Variants in NFKBIZ observed in about 807,000 individuals in gnomAD.
NFKBIZ encodes NF-kappa-B inhibitor zeta.
A neutral mutation model predicts 76.8 loss-of-function variants in NFKBIZ; 19 were observed. That is an observed-to-expected ratio of 0.25 (90% CI 0.17 to 0.36). The LOEUF is 0.36. Ranked by LOEUF, NFKBIZ falls within the 10% of genes least tolerant of loss-of-function variation. The pLI is 1.00. For synonymous variants in NFKBIZ, 368 were observed against 354.8 expected, an observed-to-expected ratio of 1.04 and a Z score of -0.42; for missense variants, 829 against 910.9, an observed-to-expected ratio of 0.91 and a Z score of 1.16.
intron 2 of NFKBIZ, among the ~76,000 whole-genome samples, chr3:101,831,765 T>G (rs1302635199): frequency 1.3e-5 from 2 of 152,146 alleles, no homozygotes; most frequent in African/African-American, 4.8e-5. Flanking sequence ...CTCAACCTCC[T>G]GAGTAGCTGG....
In NFKBIZ at chr3:101,855,109, G is replaced by T. The variant is rs1943029284; in HGVS notation, c.1491G>T (p.Gln497His). 6.2e-7 allele frequency: 1 copy of T among 1,613,972 alleles called. No homozygotes were observed. The highest frequency in any genetic ancestry group is 1.3e-5 in the African/African-American group (1 of 75,046). ...AVAANQHLIV[Q>H]DLVNIGAQVN... ...CTGCCAATCAGCATCTCATTGTGCA[G>T]GATCTGGTGAACATCGGGGCACAGG... is the stretch of plus-strand genomic sequence containing the variant. The change falls in exon 7 of 12, where the codon CAG (glutamine) becomes CAT (histidine). Residue 497 changes from glutamine to histidine, a missense_variant. This residue lies in a region of NFKBIZ where 272 missense variants were observed against 384.2 expected (regional missense o/e 0.71). Coordinates refer to ENST00000326172, the MANE Select transcript of NFKBIZ (RefSeq NM_031419.4).
intron 2 of NFKBIZ, among the ~76,000 whole-genome samples, chr3:101,840,180 T>C (rs1288414829): frequency 6.6e-6 from 1 of 152,202 alleles, no homozygotes; most frequent in Non-Finnish European, 1.5e-5. Context: ...AATGAAACTT[T>C]TGGAGTTGTC....
chr3:101,859,732 G>T lies in NFKBIZ; in HGVS notation c.*361G>T. ...GTTTCAAAGCAGGTAAATTGTAAAT[G>T]TTTCTTTAAGAAAAAGCATGTGAAA... On this transcript the variant is annotated 3_prime_UTR_variant, in exon 12 of 12. Coordinates refer to ENST00000326172, the MANE Select transcript of NFKBIZ (RefSeq NM_031419.4). 5.9e-6 allele frequency: 1 copy of T among 168,382 alleles called. No individual in the cohort carries two copies. Among genetic ancestry groups the T allele is most frequent in the Non-Finnish European group, 1.3e-5 (1 of 76,990 alleles). The allele number at this position is 168,382 out of a possible 1,614,324, so 10.4% of individuals were successfully genotyped here.
intron 2 of NFKBIZ, among the ~76,000 whole-genome samples, chr3:101,842,715 A>G (rs1264428551): frequency 1.3e-5 from 2 of 150,920 alleles, no homozygotes; most frequent in African/African-American, 4.9e-5. Flanking sequence ...CCTGGTGTGG[A>G]GGAATTCTTA....
rs3821727 is a variant in NFKBIZ, at chr3:101,853,446, C to T, written c.920C>T (p.Thr307Ile). 1 of 1,614,236 alleles carries T rather than the reference C, an allele frequency of 6.2e-7. No individual in the cohort carries two copies. The change falls in exon 5 of 12, where the codon ACT (threonine) becomes ATT (isoleucine). Residue 307 changes from threonine (T) to isoleucine (I), a missense_variant. Thr to Ile is a moderately conservative substitution (Grantham distance 89). Coordinates refer to ENST00000326172, the MANE Select transcript of NFKBIZ (RefSeq NM_031419.4). ...EQQPHYTHKP[T>I]LEYSPFPIPP... ...CAGCCACACTACACCCACAAACCAA[C>T]TCTGGAATACAGTCCTTTTCCCATA... is the stretch of plus-strand genomic sequence containing the variant.
At chr3:101,832,233 G>A (rs72939605) in intron 2 of NFKBIZ, among the ~76,000 whole-genome samples, 1,637 of 152,028 alleles carry the variant, frequency 0.011, 26 homozygotes, top group African/African-American at 0.038. Flanking sequence ...CACCATGCCT[G>A]GCTTCATATT....
upstream of NFKBIZ, among the ~76,000 whole-genome samples, chr3:101,848,514 C>A (rs540878440): frequency 6.6e-6 from 1 of 152,282 alleles, no homozygotes; most frequent in South Asian, 2.1e-4. Context: ...CTTTGTATCC[C>A]TCGTGTTATT....
intron 8 of NFKBIZ, 98 bp from the exon 9 acceptor site, chr3:101,855,635 A>G: frequency 1.5e-6 from 2 of 1,346,794 alleles, no homozygotes; most frequent in Non-Finnish European, 2.0e-6. Context: ...GCCCATTTAT[A>G]GGTTAAGTTA....
chr3:101,838,846 C>G (rs1361660044), intron 2 of NFKBIZ, among the ~76,000 whole-genome samples: 1 of 152,124 alleles, frequency 6.6e-6, no homozygotes, highest in Non-Finnish European at 1.5e-5. Flanking sequence ...TGTATTTTGT[C>G]TGTTAGTATG....
upstream of NFKBIZ, among the ~76,000 whole-genome samples, chr3:101,845,222 C>A (rs995255905): frequency 6.6e-6 from 1 of 150,538 alleles, no homozygotes; most frequent in Non-Finnish European, 1.5e-5. Context: ...GATCCAAGAT[C>A]GTGCCACTGC....
At position 101,852,775 on chromosome 3, in the gene NFKBIZ, GT is replaced by G; in HGVS notation, c.460+9del. ...AACATAGAACAGTTCAGAGGTAAGA[GT>G]TACTTGTATTTGTAATTTTTTCAGG... On this transcript the variant is annotated splice_region_variant and intron_variant, in intron 3 of 11. Coordinates refer to ENST00000326172, the MANE Select transcript of NFKBIZ (RefSeq NM_031419.4). 1 of 1,611,050 alleles carries G rather than the reference GT, an allele frequency of 6.2e-7. No individual in the cohort carries two copies.
At chr3:101,854,972 GT>G in intron 6 of NFKBIZ, 89 bp from the exon 7 acceptor site, 1 of 1,371,498 alleles carries the variant, frequency 7.3e-7, no homozygotes, top group Non-Finnish European at 9.9e-7. Flanking sequence ...CTCTCTGTGG[GT>G]TTTTCCCTCA....
At chr3:101,846,841 C>T (rs542199134), upstream of NFKBIZ, among the ~76,000 whole-genome samples, 17 of 152,240 alleles carry the variant, frequency 1.1e-4, no homozygotes, top group Admixed American at 2.0e-4. Flanking sequence ...CACAATTATG[C>T]AGGCCAACAA....
At chr3:101,859,293 C>A (rs1387972328) in intron 11 of NFKBIZ, 25 bp from the exon 12 acceptor site, 3 of 1,607,958 alleles carry the variant, frequency 1.9e-6, no homozygotes, top group Non-Finnish European at 2.6e-6. Flanking sequence ...ATAAACCTCA[C>A]AAATTTTATT....
chr3:101,842,617 A>T, intron 2 of NFKBIZ, among the ~76,000 whole-genome samples: 1 of 123,914 alleles, frequency 8.1e-6, no homozygotes. Context: ...TTAGCTCTTC[A>T]GCTGCCATTA....
intron 9 of NFKBIZ, 96 bp downstream of exon 9, chr3:101,855,998 T>C: frequency 8.1e-7 from 1 of 1,227,062 alleles, no homozygotes; most frequent in Non-Finnish European, 1.1e-6. Flanking sequence ...CTTCTTTCTT[T>C]TTTTTCTGAA....
intron 2 of NFKBIZ, among the ~76,000 whole-genome samples, chr3:101,832,599 G>GT (rs1483186953): frequency 1.3e-5 from 2 of 152,096 alleles, no homozygotes; most frequent in East Asian, 3.8e-4. Flanking sequence ...TTCATGTAGC[G>GT]TAATATTTTC....
At chr3:101,840,933 A>G (rs1942778450) in intron 2 of NFKBIZ, among the ~76,000 whole-genome samples, 1 of 152,220 alleles carries the variant, frequency 6.6e-6, no homozygotes, top group Non-Finnish European at 1.5e-5. Context: ...AGTTGCAGAG[A>G]GATGACTCCG....
At chr3:101,849,960 G>A in intron 1 of NFKBIZ, 43 bp downstream of exon 1, 2 of 1,346,484 alleles carry the variant, frequency 1.5e-6, no homozygotes, top group Middle Eastern at 2.8e-4. Context: ...GGGCGCGCAC[G>A]CCTAGGAGGT....
Sources: gnomAD v4.1 joint callset for allele counts (sites outside exome capture counted in the v4.1 genomes callset) on GRCh38, gnomAD v4.1.1 for gene constraint, gnomAD v4.1.1 regional missense constraint, MANE v1.5 for transcripts, NCBI Gene and HGNC (gene_info 2026-07-23, HGNC 2026-07-21) for gene names.